Variants in RORA observed in about 807,000 individuals in gnomAD.
The protein encoded by RORA is RAR related orphan receptor A.
In RORA, 7 loss-of-function variants were observed where a neutral mutation model predicts 69.5. The observed-to-expected ratio is 0.10, with a 90% CI of 0.06 to 0.19. RORA has a LOEUF of 0.19. RORA is among the 10% of genes least tolerant of loss of function. The pLI is 1.00. For synonymous variants in RORA, 261 were observed against 240.8 expected, an observed-to-expected ratio of 1.08 and a Z score of -0.78; for missense variants, 457 against 663.0, an observed-to-expected ratio of 0.69 and a Z score of 3.41.
chr15:61,139,160 T>G (rs559010627), intron 1 of RORA, among the ~76,000 whole-genome samples: 1 of 151,246 alleles, frequency 6.6e-6, no homozygotes, highest in Admixed American at 6.6e-5. Context: ...AAAAAAAAGT[T>G]AAAAACGTTT....
At chr15:60,992,411 C>T (rs1030163831) in intron 1 of RORA, among the ~76,000 whole-genome samples, 1 of 152,156 alleles carries the variant, frequency 6.6e-6, no homozygotes, top group Non-Finnish European at 1.5e-5. Context: ...AGGGCCTACA[C>T]GACCCATACA....
At chr15:60,778,623 A>G (rs1282187780) in intron 1 of RORA, among the ~76,000 whole-genome samples, 1 of 152,120 alleles carries the variant, frequency 6.6e-6, no homozygotes, top group Non-Finnish European at 1.5e-5. Flanking sequence ...CCTTGAAGGT[A>G]GGGGGTCAGG....
chr15:61,213,160 C>T lies in RORA; in HGVS notation c.166+15893G>A, dbSNP rs1395196131. Among the ~76,000 whole-genome samples, 2 of 152,014 alleles carry T rather than the reference C, an allele frequency of 1.3e-5. No individual in the cohort carries two copies. The highest frequency in any genetic ancestry group is 4.8e-5 in the African/African-American group (2 of 41,354). The stretch of plus-strand genomic sequence containing the variant: ...CACTACACTGTCCCAGCCAATAATC[C>T]CGGCCCACACTCTGCACTTGACTCC... On this transcript the variant is annotated intron_variant, in intron 1 of 10. Transcript: ENST00000335670. The surrounding 1 kb of genome is among the most constrained non-coding windows in gnomAD (Gnocchi z 4.1).
rs2065682356 is a variant in RORA at position 60,511,068 on chromosome 15, G to A, written c.820+158C>T. 6.6e-6 allele frequency among the ~76,000 whole-genome samples: 1 copy of A among 152,162 alleles called. No individual in the cohort carries two copies. Among genetic ancestry groups the A allele is most frequent in the African/African-American group, 2.4e-5 (1 of 41,428 alleles). ...TGGATAAACCATGGGAAACAGCAGA[G>A]GGTCAAAAGCAAGGGGGCAGGGCAG... is the stretch of plus-strand genomic sequence containing the variant. On this transcript the variant is annotated intron_variant, in intron 5 of 10. Coordinates refer to ENST00000335670, the MANE Select transcript of RORA (RefSeq NM_134261.3). The surrounding 1 kb of genome is among the most constrained non-coding windows in gnomAD (Gnocchi z 6.4).
intron 2 of RORA, chr15:60,592,400 G>T: frequency 7.0e-7 from 1 of 1,436,930 alleles, no homozygotes; most frequent in Non-Finnish European, 9.2e-7. Flanking sequence ...TCATCGCTGC[G>T]ATCACAAAAT....
chr15:60,749,794 G>A lies in RORA; in HGVS notation c.167-71108C>T, dbSNP rs138379940. Among the ~76,000 whole-genome samples the A allele has an allele frequency of 5.9e-5, 9 of 152,266 alleles. No homozygotes were observed. In the East Asian group the frequency reaches 1.5e-3, roughly 26 times the overall value. ...TGTAATCCCAACATTTTGGAAGGCC[G>A]AGGCAGGAGGATTGCTTGAGCCCAG... On this transcript the variant is annotated intron_variant, in intron 1 of 10. Transcript: ENST00000335670.
intron 1 of RORA, among the ~76,000 whole-genome samples, chr15:61,100,725 A>G (rs2078867279): frequency 6.6e-6 from 1 of 152,166 alleles, no homozygotes; most frequent in African/African-American, 2.4e-5. Context: ...CAGCCATCAC[A>G]TTATCTATCA....
intron 2 of RORA, among the ~76,000 whole-genome samples, chr15:60,581,460 TAAG>T (rs557078823): frequency 1.3e-5 from 2 of 152,316 alleles, no homozygotes; most frequent in Admixed American, 6.5e-5. Context: ...GGATGCAACT[TAAG>T]AGGAGGAGGA....
At chr15:61,188,779 G>T (rs2079769181) in intron 1 of RORA, among the ~76,000 whole-genome samples, 1 of 152,186 alleles carries the variant, frequency 6.6e-6, no homozygotes, top group South Asian at 2.1e-4. Flanking sequence ...ATAGCAAAGA[G>T]GGGTCTCAAA....
chr15:60,571,463 T>A (rs2067879149), intron 2 of RORA, among the ~76,000 whole-genome samples: 2 of 152,210 alleles, frequency 1.3e-5, no homozygotes, highest in African/African-American at 4.8e-5. Flanking sequence ...CAATTAAACC[T>A]TTTGATAGAA....
At chr15:61,065,899 A>G (rs2078250882) in intron 1 of RORA, among the ~76,000 whole-genome samples, 1 of 152,170 alleles carries the variant, frequency 6.6e-6, no homozygotes, top group Non-Finnish European at 1.5e-5. Context: ...TTCTACCCCA[A>G]AAGCAGGCAA....
intron 1 of RORA, among the ~76,000 whole-genome samples, chr15:61,167,279 T>C (rs377599511): frequency 1.3e-5 from 2 of 152,302 alleles, no homozygotes; most frequent in East Asian, 3.9e-4. Context: ...TTGAGTCTTT[T>C]CAACTTCCAG....
intron 3 of RORA, among the ~76,000 whole-genome samples, chr15:60,518,235 T>C (rs1017209433): frequency 6.6e-6 from 1 of 152,224 alleles, no homozygotes; most frequent in Non-Finnish European, 1.5e-5. Context: ...GTTGGGTCAT[T>C]AATGAAAAGG....
intron 1 of RORA, among the ~76,000 whole-genome samples, chr15:60,996,857 T>C (rs138321708): frequency 0.23 from 34,761 of 150,474 alleles, 4,869 homozygotes; most frequent in African/African-American, 0.4. Flanking sequence ...TTGCAGTGAG[T>C]GGAGATCACG....
chr15:60,866,918 G>A (rs1033035023), intron 1 of RORA, among the ~76,000 whole-genome samples: 3 of 151,828 alleles, frequency 2.0e-5, no homozygotes, highest in Non-Finnish European at 4.4e-5. Context: ...CAGGCTGGAG[G>A]GCAGTGGTGC....
intron 1 of RORA, among the ~76,000 whole-genome samples, chr15:61,102,276 C>T (rs2078891167): frequency 6.6e-6 from 1 of 152,174 alleles, no homozygotes; most frequent in Admixed American, 6.5e-5. Flanking sequence ...ACTTGACAAG[C>T]TCAGGGGTGC....
intron 1 of RORA, among the ~76,000 whole-genome samples, chr15:61,159,365 C>A (rs1425720405): frequency 6.6e-6 from 1 of 152,116 alleles, no homozygotes; most frequent in Non-Finnish European, 1.5e-5. Flanking sequence ...AAAATTTAAC[C>A]CTGAAAATGT....
chr15:61,178,614 T>C (rs1399401094), intron 1 of RORA, among the ~76,000 whole-genome samples: 1 of 152,138 alleles, frequency 6.6e-6, no homozygotes, highest in African/African-American at 2.4e-5. Context: ...TTTTGATTGA[T>C]TTAACTCTAA....
intron 1 of RORA, among the ~76,000 whole-genome samples, chr15:60,783,418 G>A (rs537477938): frequency 1.3e-5 from 2 of 152,054 alleles, no homozygotes; most frequent in African/African-American, 4.8e-5. Context: ...ACAATGTTTT[G>A]CAATATGTAA....
Sources: allele counts gnomAD v4.1 joint callset (sites outside exome capture counted in the v4.1 genomes callset), GRCh38; gene constraint gnomAD v4.1.1; non-coding constraint Gnocchi (gnomAD v3.1); transcripts MANE v1.5; gene names NCBI Gene and HGNC (gene_info 2026-07-23, HGNC 2026-07-21).